The following GLI2 variants were observed in gnomAD, a reference collection of about 807,000 sequenced individuals.
The protein encoded by GLI2 is GLI family zinc finger 2.
Under a neutral mutation model 78.9 loss-of-function variants are expected in GLI2, and 22 were observed. The observed-to-expected ratio is 0.28, with a 90% CI of 0.20 to 0.40. The LOEUF (loss-of-function observed/expected upper bound fraction) is 0.40, where lower values mean the gene tolerates loss of function less well. Ranked by LOEUF, GLI2 falls within the 10% of genes least tolerant of loss-of-function variation. The pLI is 1.00. For synonymous variants in GLI2, 974 were observed against 963.7 expected, an observed-to-expected ratio of 1.01 and a Z score of -0.20; for missense variants, 2,097 against 2,213.2, an observed-to-expected ratio of 0.95 and a Z score of 1.05.
intron 3 of GLI2, among the ~76,000 whole-genome samples, chr2:120,943,128 T>TC (rs1477837134): frequency 3.3e-5 from 5 of 152,154 alleles, no homozygotes; most frequent in African/African-American, 1.2e-4. Context: ...GGATATCTGG[T>TC]CATCAGCTGA....
chr2:120,757,927 G>A (rs1421140084), intron 1 of GLI2, among the ~76,000 whole-genome samples: 2 of 152,210 alleles, frequency 1.3e-5, no homozygotes, highest in Non-Finnish European at 1.5e-5. Context: ...GATGGTTTTG[G>A]GAGGGAGGTT....
intron 9 of GLI2, 143 bp from the exon 10 acceptor site, chr2:120,978,291 A>G: frequency 2.4e-6 from 2 of 837,640 alleles, no homozygotes; most frequent in South Asian, 1.4e-5. Flanking sequence ...TGAACATAAT[A>G]GGTGTGGTCA....
chr2:120,756,207 G>A (rs1480502263), intron 1 of GLI2, among the ~76,000 whole-genome samples: 3 of 152,118 alleles, frequency 2.0e-5, no homozygotes, highest in Non-Finnish European at 4.4e-5. Flanking sequence ...CATGAACGAG[G>A]TATGTCCTTC....
intron 2 of GLI2, among the ~76,000 whole-genome samples, chr2:120,834,321 T>A (rs183174640): frequency 1.3e-5 from 2 of 152,286 alleles, no homozygotes; most frequent in South Asian, 2.1e-4. Flanking sequence ...GTGGAAGGGC[T>A]GGCAAGGCAG....
chr2:120,899,711 G>A (rs752536362), intron 2 of GLI2, among the ~76,000 whole-genome samples: 16 of 152,218 alleles, frequency 1.1e-4, no homozygotes, highest in Non-Finnish European at 1.9e-4. Flanking sequence ...GAATGGCGGT[G>A]CCCATCTTCC....
At chr2:120,881,156 G>A (rs376729248) in intron 2 of GLI2, among the ~76,000 whole-genome samples, 5 of 152,328 alleles carry the variant, frequency 3.3e-5, no homozygotes, top group African/African-American at 7.2e-5. Context: ...TCAATGTGAC[G>A]CTTTCAAGAA....
At chr2:120,967,747 A>G (rs1259588024) in intron 5 of GLI2, among the ~76,000 whole-genome samples, 1 of 152,256 alleles carries the variant, frequency 6.6e-6, no homozygotes, top group Non-Finnish European at 1.5e-5. Flanking sequence ...GCCTGCATGC[A>G]TGTGGTGTGC....
At chr2:120,816,321 G>C (rs1205760233) in intron 2 of GLI2, among the ~76,000 whole-genome samples, 7 of 151,452 alleles carry the variant, frequency 4.6e-5, no homozygotes, top group Admixed American at 4.6e-4. Flanking sequence ...TCAGCCTCCT[G>C]AGTAGCTGGG....
chr2:120,863,940 C>T (rs1259467270), intron 2 of GLI2, among the ~76,000 whole-genome samples: 3 of 152,080 alleles, frequency 2.0e-5, no homozygotes, highest in South Asian at 4.2e-4. Context: ...GCTGTGTCTG[C>T]GGGCATATTA....
chr2:120,860,804 C>T (rs1687867486), intron 2 of GLI2, among the ~76,000 whole-genome samples: 1 of 152,168 alleles, frequency 6.6e-6, no homozygotes. Context: ...GTACAAGACA[C>T]ATGGTGATGA....
chr2:120,946,203 C>G, intron 3 of GLI2, among the ~76,000 whole-genome samples: 1 of 152,292 alleles, frequency 6.6e-6, no homozygotes, highest in African/African-American at 2.4e-5. Context: ...GGGTCTGCCT[C>G]TTTCCCCCTG....
At chr2:120,876,733 G>A (rs1688767164) in intron 2 of GLI2, among the ~76,000 whole-genome samples, 1 of 152,060 alleles carries the variant, frequency 6.6e-6, no homozygotes, top group Non-Finnish European at 1.5e-5. Context: ...GGGTCGGCAG[G>A]GAGGAGCAAG....
intron 2 of GLI2, among the ~76,000 whole-genome samples, chr2:120,862,951 G>A (rs1052012274): frequency 3.9e-5 from 6 of 152,232 alleles, no homozygotes; most frequent in African/African-American, 1.4e-4. Context: ...GCTTCCAGAG[G>A]CAGTGGAGCA....
At chr2:120,939,142 C>G (rs192057392) in intron 3 of GLI2, among the ~76,000 whole-genome samples, 2 of 151,984 alleles carry the variant, frequency 1.3e-5, no homozygotes, top group African/African-American at 4.8e-5. Flanking sequence ...ATTAGCCAGG[C>G]GTGGTGGTGG....
In GLI2 at chr2:120,903,242, G is replaced by A. The variant is rs369819097; in HGVS notation, c.149-24119G>A. On this transcript the variant is annotated intron_variant, in intron 2 of 13. Coordinates refer to ENST00000361492, the MANE Select transcript of GLI2 (RefSeq NM_001374353.1). The stretch of plus-strand genomic sequence containing the variant: ...TCTAGTAAAAATACAAAAATTAGCC[G>A]GGCACAGTGGCAGGCACTTAGAAGA... Among the ~76,000 whole-genome samples the A allele has an allele frequency of 1.1e-4, 17 of 152,170 alleles. No individual in the cohort carries two copies. The South Asian group carries it at 2.7e-3, about 24-fold the overall frequency.
chr2:120,919,913 C>A (rs1176222786), intron 2 of GLI2, among the ~76,000 whole-genome samples: 3 of 152,256 alleles, frequency 2.0e-5, no homozygotes, highest in Admixed American at 1.3e-4. Context: ...CCCGGGCCCA[C>A]AAGCTGCACT....
At chr2:120,745,087 T>C (rs1682654871) in intron 1 of GLI2, among the ~76,000 whole-genome samples, 2 of 152,232 alleles carry the variant, frequency 1.3e-5, no homozygotes, top group Non-Finnish European at 2.9e-5. Flanking sequence ...AAGTAGGCTC[T>C]AGAGCAGGGT....
At chr2:120,966,698 G>A (rs952562101) in intron 5 of GLI2, among the ~76,000 whole-genome samples, 11 of 152,210 alleles carry the variant, frequency 7.2e-5, no homozygotes, top group Admixed American at 5.2e-4. Context: ...TTGCCTCGAG[G>A]GGCCAACATG....
At chr2:120,908,952 C>T (rs867179139) in intron 2 of GLI2, among the ~76,000 whole-genome samples, 12 of 152,264 alleles carry the variant, frequency 7.9e-5, no homozygotes, top group Non-Finnish European at 1.5e-4. Flanking sequence ...CACCCCCCGT[C>T]TCTGCCTGTG....
Sources: gnomAD v4.1 joint callset for allele counts (sites outside exome capture counted in the v4.1 genomes callset) on GRCh38, gnomAD v4.1.1 for gene constraint, MANE v1.5 for transcripts, NCBI Gene and HGNC (gene_info 2026-07-23, HGNC 2026-07-21) for gene names.